GLDC: variants seen among roughly 807,000 people sequenced by gnomAD.
GLDC encodes glycine dehydrogenase (decarboxylating), mitochondrial.
Under a neutral mutation model 121.3 loss-of-function variants are expected in GLDC, and 104 were observed. The ratio of observed to expected loss-of-function variants is 0.86; its 90% CI spans 0.73 to 1.01. The LOEUF (loss-of-function observed/expected upper bound fraction) is 1.01. GLDC is among the 50% of genes least tolerant of loss of function. GLDC has a pLI of 0.00. For synonymous variants in GLDC, 546 were observed against 480.6 expected (o/e 1.14, Z -1.78); for missense variants, 1,429 against 1,306.6 (o/e 1.09, Z -1.44).
At chr9:6,559,255 G>A (rs548001256) in intron 16 of GLDC, among the ~76,000 whole-genome samples, 6 of 151,888 alleles carry the variant, frequency 4.0e-5, no homozygotes, top group Non-Finnish European at 5.9e-5. Flanking sequence ...TGGCTCACGC[G>A]TGTAATCCCA....
chr9:6,573,124 T>A (rs1479281050), intron 15 of GLDC, among the ~76,000 whole-genome samples: 3 of 152,188 alleles, frequency 2.0e-5, no homozygotes, highest in African/African-American at 7.2e-5. Context: ...AATACATTTA[T>A]GTGGGCCAGG....
At chr9:6,602,045 G>T in intron 8 of GLDC, 64 bp downstream of exon 8, 1 of 965,774 alleles carries the variant, frequency 1.0e-6, no homozygotes. Context: ...ATGAATGAAT[G>T]AATGAGTAGC....
At position 6,634,903 on chromosome 9, in the gene GLDC, A is replaced by G. The variant is rs1819469971; in HGVS notation, c.334+9711T>C. Among the ~76,000 whole-genome samples, 3 of 151,968 alleles carry G rather than the reference A, an allele frequency of 2.0e-5. No individual in the cohort carries two copies. In the South Asian group the frequency reaches 6.2e-4, roughly 32 times the overall value. On this transcript the variant is annotated intron_variant, in intron 2 of 24. Coordinates refer to ENST00000321612, the MANE Select transcript of GLDC (RefSeq NM_000170.3). The stretch of plus-strand genomic sequence containing the variant: ...AGGATCAATCCTTCCACTTCCCTCT[A>G]TAGTAACTTTTCCTGTCTACCCATT...
chr9:6,562,012 G>T (rs1483763179), intron 16 of GLDC, among the ~76,000 whole-genome samples: 1 of 152,140 alleles, frequency 6.6e-6, no homozygotes, highest in Non-Finnish European at 1.5e-5. Context: ...GTTTCCTTTG[G>T]TCAATGTTTT....
intron 8 of GLDC, among the ~76,000 whole-genome samples, chr9:6,596,305 C>T (rs149512527): frequency 7.2e-5 from 11 of 152,270 alleles, no homozygotes; most frequent in African/African-American, 2.2e-4. Flanking sequence ...GGCTATATCA[C>T]ACGGCTGAAC....
At chr9:6,596,962 A>T (rs1818504584) in intron 8 of GLDC, among the ~76,000 whole-genome samples, 1 of 152,262 alleles carries the variant, frequency 6.6e-6, no homozygotes, top group African/African-American at 2.4e-5. Context: ...GGCTTATTTG[A>T]AACACCCCAA....
At chr9:6,644,290 C>A (rs993851737) in intron 2 of GLDC, among the ~76,000 whole-genome samples, 1 of 151,778 alleles carries the variant, frequency 6.6e-6, no homozygotes, top group Non-Finnish European at 1.5e-5. Flanking sequence ...ACCTCTCAAC[C>A]CAAAGTATGA....
intron 21 of GLDC, among the ~76,000 whole-genome samples, chr9:6,544,734 G>A (rs3902970): frequency 0.28 from 42,855 of 151,516 alleles, 8,063 homozygotes; most frequent in African/African-American, 0.52. Flanking sequence ...CTACTAATGG[G>A]AACTCCATTC....
intron 3 of GLDC, among the ~76,000 whole-genome samples, chr9:6,614,829 C>T (rs1818936503): frequency 6.6e-6 from 1 of 152,196 alleles, no homozygotes; most frequent in Admixed American, 6.5e-5. Context: ...GCCTACTACA[C>T]ACCTAGGCTA....
intron 8 of GLDC, among the ~76,000 whole-genome samples, chr9:6,597,029 A>G (rs1051720681): frequency 1.3e-5 from 2 of 152,374 alleles, no homozygotes; most frequent in Admixed American, 1.3e-4. Context: ...ACAATGGGAT[A>G]TTACCCAGCC....
intron 2 of GLDC, among the ~76,000 whole-genome samples, chr9:6,623,942 T>C (rs1393079216): frequency 6.6e-6 from 1 of 152,234 alleles, no homozygotes; most frequent in Non-Finnish European, 1.5e-5. Context: ...GCTTCAATTA[T>C]GATCCTGTGC....
In GLDC at chr9:6,540,110, G is replaced by C. The variant is rs781220200; in HGVS notation, c.2606C>G (p.Pro869Arg). The C allele has an allele frequency of 3.1e-6, 5 of 1,613,162 alleles. No individual in the cohort carries two copies. The South Asian group carries it at 5.5e-5, about 18-fold the overall frequency. ...CTCAATATTTGCAGACTTTTTGAAG[G>C]GTCTCGTGTCCAAAATAAATTCATG... ...VGHEFILDTR[P>R]FKKSANIEAV... Residue 869 changes from proline to arginine, a missense_variant, in exon 22 of 25, where the codon CCC becomes CGC. Physicochemically the swap from Pro to Arg is moderately radical, Grantham distance 103. Coordinates refer to ENST00000321612, the MANE Select transcript of GLDC (RefSeq NM_000170.3).
chr9:6,641,880 C>T (rs192185032), intron 2 of GLDC, among the ~76,000 whole-genome samples: 403 of 152,278 alleles, frequency 2.6e-3, no homozygotes, highest in Non-Finnish European at 4.4e-3. Context: ...TCCAGAATTC[C>T]TTTCTGACTA....
chr9:6,537,280 A>G (rs778320175), intron 22 of GLDC, among the ~76,000 whole-genome samples: 19 of 152,056 alleles, frequency 1.2e-4, no homozygotes, highest in Non-Finnish European at 2.5e-4. Context: ...CTGCCTCCCA[A>G]TATGCAGAGA....
chr9:6,644,794 C>G (rs551575227), intron 1 of GLDC, 102 bp from the exon 2 acceptor site: 1 of 787,964 alleles, frequency 1.3e-6, no homozygotes, highest in East Asian at 2.5e-5. Flanking sequence ...TTGAAATCGC[C>G]TAATTAGGGT....
chr9:6,561,600 G>C (rs150681122), intron 16 of GLDC, among the ~76,000 whole-genome samples: 1 of 152,196 alleles, frequency 6.6e-6, no homozygotes, highest in African/African-American at 2.4e-5. Flanking sequence ...CATAAGCCAA[G>C]ATCATGCCAT....
At chr9:6,588,736 A>G (rs1407985581) in intron 12 of GLDC, 34 bp from the exon 13 acceptor site, 3 of 1,292,444 alleles carry the variant, frequency 2.3e-6, no homozygotes, top group South Asian at 2.4e-5. Context: ...AGGGGCCCCA[A>G]AAGTAGATAT....
At chr9:6,638,681 T>G (rs1425277142) in intron 2 of GLDC, among the ~76,000 whole-genome samples, 1 of 152,202 alleles carries the variant, frequency 6.6e-6, no homozygotes, top group Admixed American at 6.5e-5. Context: ...GAAGGTAAGA[T>G]GTAAGCCCCT....
At chr9:6,628,660 G>C (rs150762538) in intron 2 of GLDC, among the ~76,000 whole-genome samples, 39 of 152,314 alleles carry the variant, frequency 2.6e-4, no homozygotes, top group Non-Finnish European at 5.1e-4. Context: ...AGGATTGCTT[G>C]AGCCTGGGAG....
Sources: allele counts gnomAD v4.1 joint callset (sites outside exome capture counted in the v4.1 genomes callset), GRCh38; gene constraint gnomAD v4.1.1; transcripts MANE v1.5; gene names NCBI Gene and HGNC (gene_info 2026-07-23, HGNC 2026-07-21).